Variants in SHQ1 observed in about 807,000 individuals in gnomAD.
SHQ1 encodes protein SHQ1 homolog.
A neutral mutation model predicts 53.8 loss-of-function variants in SHQ1; 49 were observed. The observed-to-expected ratio is 0.91, with a 90% CI of 0.72 to 1.16. The LOEUF (loss-of-function observed/expected upper bound fraction) is 1.16. SHQ1 is among the 50% of genes most tolerant of loss of function. The probability of loss-of-function intolerance (pLI) is 0.00; values close to 1 mark genes in which losing one functional copy is unlikely to be tolerated. For missense variants in SHQ1, 738 were observed against 683.1 expected (o/e 1.08, Z -0.90); for synonymous variants, 243 against 251.0 (o/e 0.97, Z 0.30).
chr3:72,784,034 T>C (rs1706149279), intron 10 of SHQ1, among the ~76,000 whole-genome samples: 1 of 151,962 alleles, frequency 6.6e-6, no homozygotes, highest in Admixed American at 6.6e-5. Context: ...CATTCCAATA[T>C]AAGAGGTTAA....
At chr3:72,733,370 A>C in the SHQ1 span, among the ~76,000 whole-genome samples, 1 of 151,542 alleles carries the variant, frequency 6.6e-6, no homozygotes, top group Non-Finnish European at 1.5e-5. Flanking sequence ...AAAAGCATGG[A>C]TTGAGTCTCT....
chr3:72,780,114 C>A (rs1706041721), intron 10 of SHQ1, among the ~76,000 whole-genome samples: 2 of 152,230 alleles, frequency 1.3e-5, no homozygotes, highest in Non-Finnish European at 2.9e-5. Flanking sequence ...GTATGATAAG[C>A]CTTACTTACC....
chr3:72,726,625 T>C, the SHQ1 span, among the ~76,000 whole-genome samples: 1 of 152,194 alleles, frequency 6.6e-6, no homozygotes. Context: ...GTGCTGGGAT[T>C]ACAGGTGTGA....
At chr3:72,785,319 T>A (rs1322367316) in intron 10 of SHQ1, among the ~76,000 whole-genome samples, 1 of 152,186 alleles carries the variant, frequency 6.6e-6, no homozygotes, top group Non-Finnish European at 1.5e-5. Flanking sequence ...GCTGTAAAAG[T>A]CTGAGTGAGT....
At chr3:72,738,666 C>A in the SHQ1 span, among the ~76,000 whole-genome samples, 8 of 152,158 alleles carry the variant, frequency 5.3e-5, no homozygotes, top group African/African-American at 1.9e-4. Flanking sequence ...TGATGTCGCC[C>A]CTCTCCTCCC....
chr3:72,734,802 C>T, the SHQ1 span, among the ~76,000 whole-genome samples: 3 of 151,654 alleles, frequency 2.0e-5, no homozygotes, highest in Non-Finnish European at 2.9e-5. Flanking sequence ...CACCAGGGAT[C>T]GTCGCACTAT....
the SHQ1 span, among the ~76,000 whole-genome samples, chr3:72,743,075 T>C: frequency 6.6e-6 from 1 of 152,258 alleles, no homozygotes; most frequent in Non-Finnish European, 1.5e-5. Context: ...GGGTTAGAGA[T>C]GCACATCCAG....
intron 10 of SHQ1, chr3:72,753,495 C>G: frequency 1.0e-6 from 1 of 985,402 alleles, no homozygotes; most frequent in Non-Finnish European, 1.2e-6. Context: ...CCCCTGCTGC[C>G]TCTTCACATG....
rs147772497 is a variant in SHQ1, at chr3:72,769,675, T to C, written c.1182-18839A>G. Among the ~76,000 whole-genome samples the C allele has an allele frequency of 3.2e-3, 481 of 152,332 alleles. 3 individuals are homozygous for C. The highest frequency in any genetic ancestry group is 0.01 in the African/African-American group (426 of 41,576). Reference sequence around the variant, plus strand: ...CCTCTTCTTTGAATCACTATGTCTCTTGCAACGGGGCCAGGGTTTGCTCAG... The same window carrying C: ...CCTCTTCTTTGAATCACTATGTCTCCTGCAACGGGGCCAGGGTTTGCTCAG... On this transcript the variant is annotated intron_variant, in intron 10 of 10. Transcript: ENST00000325599.
chr3:72,792,645 C>T (rs182875147), intron 10 of SHQ1, among the ~76,000 whole-genome samples: 11 of 152,086 alleles, frequency 7.2e-5, no homozygotes, highest in East Asian at 3.9e-4. Flanking sequence ...ATTAGCTAGG[C>T]GTGGTGGCAC....
chr3:72,798,916 T>A (rs1326693167), intron 9 of SHQ1, among the ~76,000 whole-genome samples: 1 of 152,250 alleles, frequency 6.6e-6, no homozygotes, highest in Admixed American at 6.5e-5. Context: ...TTTCTGGGTA[T>A]CTATTCTGCC....
chr3:72,743,249 T>C, the SHQ1 span, among the ~76,000 whole-genome samples: 1 of 152,234 alleles, frequency 6.6e-6, no homozygotes, highest in East Asian at 1.9e-4. Context: ...GCCTTGGATT[T>C]AAGGCTCTTC....
rs373868282 is a variant in SHQ1 at position 72,844,447 on chromosome 3, T to C, written c.144-24A>G. 9 of 1,595,722 alleles carry C rather than the reference T, an allele frequency of 5.6e-6. No individual in the cohort carries two copies. The African/African-American group carries it at 9.4e-5, about 17-fold the overall frequency. On this transcript the variant is annotated intron_variant, in intron 1 of 10. Coordinates refer to ENST00000325599, the MANE Select transcript of SHQ1 (RefSeq NM_018130.3). ...ATCTGCAGATTTAACACAGGTCTCA[T>C]GAAGTCCTTAAATTATAACGTAACA...
intron 3 of SHQ1, among the ~76,000 whole-genome samples, chr3:72,841,921 G>C (rs550929492): frequency 3.3e-5 from 5 of 152,186 alleles, no homozygotes; most frequent in Non-Finnish European, 7.4e-5. Flanking sequence ...CTGTTGTGCA[G>C]CCAGGTTCCT....
chr3:72,773,829 C>T (rs1705903631), intron 10 of SHQ1, among the ~76,000 whole-genome samples: 1 of 152,162 alleles, frequency 6.6e-6, no homozygotes, highest in Non-Finnish European at 1.5e-5. Context: ...AGACCAAAAA[C>T]CCAAAAACAT....
intron 10 of SHQ1, among the ~76,000 whole-genome samples, chr3:72,791,343 T>C (rs1706428716): frequency 6.6e-6 from 1 of 152,210 alleles, no homozygotes; most frequent in Non-Finnish European, 1.5e-5. Flanking sequence ...CCTCAGGGGT[T>C]AAACATTCAA....
intron 10 of SHQ1, among the ~76,000 whole-genome samples, chr3:72,761,064 T>G (rs966657572): frequency 2.6e-5 from 4 of 152,206 alleles, no homozygotes; most frequent in African/African-American, 9.6e-5. Context: ...CCTTAGTGCT[T>G]TAGTAGAGAA....
rs139887455 is a variant in SHQ1 at position 72,756,677 on chromosome 3, C to G, written c.1182-5841G>C. Reference sequence around the variant, plus strand: ...TGCATTTAAAAGAGACAATTGGATACCACTGCTGTCATATTTTAATAAAAC... The same window carrying G: ...TGCATTTAAAAGAGACAATTGGATAGCACTGCTGTCATATTTTAATAAAAC... On this transcript the variant is annotated intron_variant, in intron 10 of 10. Coordinates refer to ENST00000325599, the MANE Select transcript of SHQ1 (RefSeq NM_018130.3). Among the ~76,000 whole-genome samples, 16 of 152,242 alleles carry G rather than the reference C, an allele frequency of 1.1e-4. No homozygotes were observed. In the East Asian group the frequency reaches 3.1e-3, roughly 29 times the overall value.
chr3:72,731,919 G>A, the SHQ1 span, among the ~76,000 whole-genome samples: 11 of 151,210 alleles, frequency 7.3e-5, no homozygotes, highest in East Asian at 1.9e-4. Flanking sequence ...CAAAGGCTGC[G>A]TCCTGTGAGC....
Sources: gnomAD v4.1 joint callset for allele counts (sites outside exome capture counted in the v4.1 genomes callset) on GRCh38, gnomAD v4.1.1 for gene constraint, MANE v1.5 for transcripts, NCBI Gene and HGNC (gene_info 2026-07-23, HGNC 2026-07-21) for gene names.